POLN: variants seen among roughly 807,000 people sequenced by gnomAD.
POLN encodes DNA polymerase nu.
A neutral mutation model predicts 113.5 loss-of-function variants in POLN; 108 were observed. The observed-to-expected ratio is 0.95, with a 90% CI of 0.81 to 1.12. The LOEUF (loss-of-function observed/expected upper bound fraction) is 1.12. POLN is among the 50% of genes most tolerant of loss of function. POLN has a pLI of 0.00. For missense variants in POLN, 1,097 were observed against 1,077.1 expected (o/e 1.02, Z -0.26); for synonymous variants, 386 against 391.5 (o/e 0.99, Z 0.17).
chr4:2,156,545 TG>T, intron 16 of POLN: 1 of 490,208 alleles, frequency 2.0e-6, no homozygotes, highest in Non-Finnish European at 3.9e-6. Flanking sequence ...GCCTGCACAC[TG>T]GAGTGCATGG....
chr4:2,179,346 C>T lies in POLN; in HGVS notation c.1141G>A (p.Val381Met). 1 of 1,613,358 alleles carries T rather than the reference C, an allele frequency of 6.2e-7. No individual in the cohort carries two copies. Among genetic ancestry groups the T allele is most frequent in the Non-Finnish European group, 8.5e-7 (1 of 1,179,456 alleles). ...GAGGAATTTCCATATGTGCTGTTCA[C>T]TTTAACTGTAATGGATTTTTCACAG... is the stretch of plus-strand genomic sequence containing the variant. ...KYCEKSITVK[V>M]NSTYGNSSRN... Residue 381 changes from valine to methionine, a missense_variant, in exon 8 of 26, where the codon GTG becomes ATG. Transcript: ENST00000511885.
intron 13 of POLN, among the ~76,000 whole-genome samples, chr4:2,163,247 G>A (rs1732646133): frequency 6.6e-6 from 1 of 152,206 alleles, no homozygotes; most frequent in South Asian, 2.1e-4. Flanking sequence ...CAGAATTGCA[G>A]TTTTTGTAGA....
intron 2 of POLN, chr4:2,240,958 C>G (rs752857799): frequency 6.3e-7 from 1 of 1,575,234 alleles, no homozygotes. Flanking sequence ...GTTTTAACTA[C>G]CCCAATTTTG....
At chr4:2,198,112 C>T (rs1377431946) in intron 6 of POLN, among the ~76,000 whole-genome samples, 2 of 152,152 alleles carry the variant, frequency 1.3e-5, no homozygotes, top group Admixed American at 6.5e-5. Flanking sequence ...TAGTCCCATC[C>T]TTGGTGGTAT....
At chr4:2,085,527 G>A (rs750030914) in intron 21 of POLN, 86 bp downstream of exon 21, 129 of 1,565,628 alleles carry the variant, frequency 8.2e-5, no homozygotes, top group Non-Finnish European at 8.7e-5. Flanking sequence ...CCCAGGGCCC[G>A]CCTGCACACC....
At chr4:2,146,776 A>G (rs1242437746) in intron 16 of POLN, among the ~76,000 whole-genome samples, 2 of 152,198 alleles carry the variant, frequency 1.3e-5, no homozygotes, top group African/African-American at 4.8e-5. Context: ...CTAGGGGCAG[A>G]AAAAGTATCT....
chr4:2,169,543 CTAAGTG>C (rs1732809538), intron 13 of POLN, among the ~76,000 whole-genome samples: 1 of 152,202 alleles, frequency 6.6e-6, no homozygotes, highest in African/African-American at 2.4e-5. Context: ...TGGCACGGTC[CTAAGTG>C]CTGTTTCACA....
intron 6 of POLN, among the ~76,000 whole-genome samples, chr4:2,197,545 C>G (rs896991711): frequency 2.0e-5 from 3 of 152,198 alleles, no homozygotes; most frequent in African/African-American, 7.2e-5. Context: ...AAAATGACCA[C>G]TAGACATCCA....
rs552436522 is a variant in POLN, at chr4:2,187,271, T to G, written c.1021+5933A>C. On this transcript the variant is annotated intron_variant, in intron 7 of 25. Transcript: ENST00000511885. ...TGTTTGTTTGTTTGTTTAGATGGAGTCTTGCTCTGTTGCTCAGGCGGAAGT... is the reference window on the plus strand; with the variant it reads ...TGTTTGTTTGTTTGTTTAGATGGAGGCTTGCTCTGTTGCTCAGGCGGAAGT... Among the ~76,000 whole-genome samples, 127 of 151,776 alleles carry G rather than the reference T, an allele frequency of 8.4e-4. 1 individual carries two copies. Among genetic ancestry groups the G allele is most frequent in the Non-Finnish European group, 1.4e-3 (96 of 67,992 alleles).
At chr4:2,128,774 G>T (rs1731649449) in intron 18 of POLN, among the ~76,000 whole-genome samples, 2 of 152,186 alleles carry the variant, frequency 1.3e-5, no homozygotes, top group African/African-American at 2.4e-5. Context: ...TTTGAAAGAG[G>T]CCAGCCGCAG....
In POLN at chr4:2,077,652, C is replaced by T. The variant is rs528552202; in HGVS notation, c.2388-2133G>A. ...AAATGGGCAGAAACCTCAGAAAAGG[C>T]ACTTGTAACTTTTTCCAGATTTAGC... On this transcript the variant is annotated intron_variant, in intron 23 of 25. Coordinates refer to ENST00000511885, the MANE Select transcript of POLN (RefSeq NM_181808.4). 3.9e-5 allele frequency among the ~76,000 whole-genome samples: 6 copies of T among 152,354 alleles called. No homozygotes were observed. In the South Asian group the frequency reaches 1.2e-3, roughly 32 times the overall value.
chr4:2,200,264 A>G (rs921311813), intron 5 of POLN, among the ~76,000 whole-genome samples: 2 of 152,218 alleles, frequency 1.3e-5, no homozygotes, highest in African/African-American at 4.8e-5. Flanking sequence ...TTGATTTCAA[A>G]ACTTACTATA....
chr4:2,122,776 T>G (rs1018824503), intron 19 of POLN, among the ~76,000 whole-genome samples: 4 of 152,094 alleles, frequency 2.6e-5, no homozygotes, highest in Non-Finnish European at 4.4e-5. Context: ...TGAAAAAAAG[T>G]TAAACATAGA....
chr4:2,096,723 A>AGAGT (rs1553893580), intron 19 of POLN, among the ~76,000 whole-genome samples: 25 of 151,918 alleles, frequency 1.6e-4, no homozygotes, highest in African/African-American at 5.8e-4. Context: ...AGAGAGAGAG[A>AGAGT]GAGAGAGACA....
At chr4:2,081,374 G>T in intron 22 of POLN, 1 of 627,148 alleles carries the variant, frequency 1.6e-6, no homozygotes, top group Non-Finnish European at 2.7e-6. Context: ...TCCCACCACA[G>T]AGATATGGGG....
intron 19 of POLN, among the ~76,000 whole-genome samples, chr4:2,105,139 CCCTCA>C (rs1465360377): frequency 1.3e-5 from 2 of 152,214 alleles, no homozygotes; most frequent in African/African-American, 4.8e-5. Flanking sequence ...TTCTGACCTC[CCCTCA>C]CGTCTCGTGA....
At chr4:2,090,089 A>T in intron 20 of POLN, 2 of 928,186 alleles carry the variant, frequency 2.2e-6, no homozygotes, top group African/African-American at 1.7e-5. Flanking sequence ...GAAAAATCAA[A>T]GGGTTTGCTA....
intron 8 of POLN, 78 bp downstream of exon 8, chr4:2,179,230 C>T (rs1378767849): frequency 7.7e-7 from 1 of 1,297,508 alleles, no homozygotes; most frequent in African/African-American, 1.5e-5. Context: ...TACTATTAGG[C>T]TATCAATAAA....
chr4:2,105,516 A>C (rs1425576093), intron 19 of POLN, among the ~76,000 whole-genome samples: 3 of 152,200 alleles, frequency 2.0e-5, no homozygotes, highest in Non-Finnish European at 4.4e-5. Context: ...AAAAGAGATC[A>C]GGAGAGGGAT....
Sources: gnomAD v4.1 joint callset for allele counts (sites outside exome capture counted in the v4.1 genomes callset) on GRCh38, gnomAD v4.1.1 for gene constraint, MANE v1.5 for transcripts, NCBI Gene and HGNC (gene_info 2026-07-23, HGNC 2026-07-21) for gene names.